PHF24: variants seen among roughly 807,000 people sequenced by gnomAD.
The protein encoded by PHF24 is Galpha inhibitory interacting protein.
PHF24 carries 25 observed loss-of-function variants against 42.6 expected under a neutral mutation model. That is an observed-to-expected ratio of 0.59 (90% confidence interval 0.43 to 0.82). PHF24 has a LOEUF of 0.82. Ranked by LOEUF, PHF24 falls within the 40% of genes least tolerant of loss-of-function variation. The pLI is 0.00. For synonymous variants in PHF24, 185 were observed against 204.8 expected, an observed-to-expected ratio of 0.90 and a Z score of 0.83; for missense variants, 470 against 538.1, an observed-to-expected ratio of 0.87 and a Z score of 1.25.
chr9:34,668,534 G>A, the PHF24 span, among the ~76,000 whole-genome samples: 1 of 152,204 alleles, frequency 6.6e-6, no homozygotes, highest in Non-Finnish European at 1.5e-5. Flanking sequence ...AGTCTCAGGT[G>A]CATATCAGTC....
At chr9:34,904,843 G>A in the PHF24 span, among the ~76,000 whole-genome samples, 1 of 137,478 alleles carries the variant, frequency 7.3e-6, no homozygotes, top group Non-Finnish European at 1.6e-5. Flanking sequence ...CCTGATTTGA[G>A]CTAGGAGGGT....
chr9:34,895,853 C>A, the PHF24 span: 2 of 397,012 alleles, frequency 5.0e-6, no homozygotes, highest in Non-Finnish European at 8.9e-6. Flanking sequence ...CATCACAAAG[C>A]CCTCCTGTTC....
At chr9:34,971,659 C>G (rs1234511062) in exon 2 of PHF24, 1 of 1,611,088 alleles carries the variant, frequency 6.2e-7, no homozygotes, top group Admixed American at 1.7e-5. Context: ...AGAAATCTGC[C>G]TGGAGCCCAG....
chr9:34,813,436 AG>A, the PHF24 span, among the ~76,000 whole-genome samples: 2 of 152,220 alleles, frequency 1.3e-5, no homozygotes, highest in Non-Finnish European at 2.9e-5. Context: ...GCGGGTCAGG[AG>A]TCCAGCTTGA....
chr9:34,860,746 A>G, the PHF24 span, among the ~76,000 whole-genome samples: 7 of 151,984 alleles, frequency 4.6e-5, no homozygotes, highest in African/African-American at 1.7e-4. Flanking sequence ...TAAGGATTCT[A>G]TTTTATATTC....
the PHF24 span, among the ~76,000 whole-genome samples, chr9:34,888,522 A>G: frequency 6.6e-6 from 1 of 152,212 alleles, no homozygotes; most frequent in Non-Finnish European, 1.5e-5. Context: ...AGGCAACAGG[A>G]CTAGAGTGGG....
chr9:34,981,746 T>C (rs1827399099), exon 8 of PHF24: 1 of 151,970 alleles, frequency 6.6e-6, no homozygotes, highest in African/African-American at 2.4e-5. Context: ...CTTTTTTTTT[T>C]TTTTTTAATT....
At chr9:34,741,085 C>G in the PHF24 span, among the ~76,000 whole-genome samples, 1 of 152,040 alleles carries the variant, frequency 6.6e-6, no homozygotes, top group African/African-American at 2.4e-5. Flanking sequence ...GGGGTTTCAC[C>G]ATGTTGGCCA....
chr9:34,768,017 TCAGA>T, the PHF24 span, among the ~76,000 whole-genome samples: 1 of 152,230 alleles, frequency 6.6e-6, no homozygotes, highest in African/African-American at 2.4e-5. Context: ...CTTGCTGAAC[TCAGA>T]CATTGGTCCA....
chr9:34,892,035 T>C, the PHF24 span, among the ~76,000 whole-genome samples: 22 of 152,186 alleles, frequency 1.4e-4, no homozygotes, highest in Non-Finnish European at 3.2e-4. Flanking sequence ...AAGCCTCCCC[T>C]GTTTTGGAGA....
chr9:34,962,672 A>G (rs1826633510), intron 1 of PHF24, among the ~76,000 whole-genome samples: 1 of 152,240 alleles, frequency 6.6e-6, no homozygotes, highest in Admixed American at 6.5e-5. Flanking sequence ...CCAGAGCAGA[A>G]AACAGGGAGT....
At chr9:34,875,939 C>CAT in the PHF24 span, among the ~76,000 whole-genome samples, 2 of 96,322 alleles carry the variant, frequency 2.1e-5, no homozygotes, top group Non-Finnish European at 4.3e-5. Context: ...CACACACACA[C>CAT]ACACACACAC....
chr9:34,721,879 T>A, the PHF24 span, among the ~76,000 whole-genome samples: 6 of 152,198 alleles, frequency 3.9e-5, no homozygotes, highest in Admixed American at 2.6e-4. Flanking sequence ...TGAAAAACAT[T>A]TTTGTTTGGC....
At chr9:34,975,696 CT>C (rs879481586) in intron 3 of PHF24, among the ~76,000 whole-genome samples, 390 of 144,246 alleles carry the variant, frequency 2.7e-3, no homozygotes, top group Middle Eastern at 7.1e-3. Context: ...TAGGATTAAA[CT>C]TTTTTTTTTT....
At chr9:34,977,581 C>G (rs190539844) in exon 7 of PHF24, 1 of 1,609,938 alleles carries the variant, frequency 6.2e-7, no homozygotes, top group East Asian at 2.2e-5. Context: ...GATAGCAGCC[C>G]AGCCAGCAGC....
chr9:34,693,616 C>T, the PHF24 span, among the ~76,000 whole-genome samples: 4 of 152,084 alleles, frequency 2.6e-5, no homozygotes, highest in African/African-American at 9.7e-5. Flanking sequence ...TCCAAACGAG[C>T]CTCAGGGATA....
chr9:34,743,247 A>G, the PHF24 span, among the ~76,000 whole-genome samples: 8 of 152,318 alleles, frequency 5.3e-5, no homozygotes, highest in African/African-American at 1.9e-4. Flanking sequence ...AACCTACCTG[A>G]TATGTGGTGT....
the PHF24 span, among the ~76,000 whole-genome samples, chr9:34,734,453 G>A: frequency 6.6e-6 from 1 of 152,128 alleles, no homozygotes; most frequent in African/African-American, 2.4e-5. Context: ...ACAGGCCTGG[G>A]GAAAAGGAAG....
the PHF24 span, among the ~76,000 whole-genome samples, chr9:34,755,103 T>TA: frequency 1.8e-4 from 27 of 151,786 alleles, no homozygotes; most frequent in Non-Finnish European, 2.9e-4. Context: ...GGTTAATAGG[T>TA]AAAAAAATAG....
Sources: gnomAD v4.1 joint callset for allele counts (sites outside exome capture counted in the v4.1 genomes callset) on GRCh38, gnomAD v4.1.1 for gene constraint, MANE v1.5 for transcripts, NCBI Gene and HGNC (gene_info 2026-07-23, HGNC 2026-07-21) for gene names.